The following LRRC4C variants were observed in gnomAD, a reference collection of about 807,000 sequenced individuals.
LRRC4C encodes the protein leucine rich repeat containing 4C, also known as leucine-rich repeat-containing protein 4C.
Under a neutral mutation model 33.6 loss-of-function variants are expected in LRRC4C, and 5 were observed. That is an observed-to-expected ratio of 0.15 (90% CI 0.08 to 0.31). The LOEUF is 0.31. Among genes scored for constraint, LRRC4C ranks in the 10% least tolerant of loss-of-function variants. The pLI is 1.00. For missense variants in LRRC4C, 560 were observed against 796.7 expected (o/e 0.70, Z 3.58); for synonymous variants, 329 against 302.0 (o/e 1.09, Z -0.93).
At chr11:41,158,749 AC>A (rs1271867578) in intron 1 of LRRC4C, among the ~76,000 whole-genome samples, 1 of 152,190 alleles carries the variant, frequency 6.6e-6, no homozygotes, top group Non-Finnish European at 1.5e-5. Flanking sequence ...ACATAAATAG[AC>A]AATCTACAAT....
chr11:40,911,468 G>A (rs566665318), intron 2 of LRRC4C, among the ~76,000 whole-genome samples: 117 of 152,296 alleles, frequency 7.7e-4, no homozygotes, highest in African/African-American at 2.6e-3. Flanking sequence ...AACTCCAACA[G>A]ACCTACAGCT....
At chr11:40,510,834 T>A (rs1447333263) in intron 3 of LRRC4C, among the ~76,000 whole-genome samples, 1 of 151,954 alleles carries the variant, frequency 6.6e-6, no homozygotes, top group Admixed American at 6.6e-5. Context: ...GCCCCTGAAC[T>A]CAAGATGACC....
chr11:40,280,744 G>T (rs529333786), intron 4 of LRRC4C, among the ~76,000 whole-genome samples: 1 of 152,214 alleles, frequency 6.6e-6, no homozygotes, highest in East Asian at 1.9e-4. Flanking sequence ...TGCCTGGAGC[G>T]ATTCAATTAA....
chr11:40,679,019 A>G (rs1944547621), intron 2 of LRRC4C, among the ~76,000 whole-genome samples: 1 of 152,200 alleles, frequency 6.6e-6, no homozygotes, highest in South Asian at 2.1e-4. Context: ...TTTGACAAAA[A>G]TGCTGATAGT....
intron 4 of LRRC4C, among the ~76,000 whole-genome samples, chr11:40,309,036 A>G (rs957087878): frequency 6.6e-6 from 1 of 152,210 alleles, no homozygotes; most frequent in Non-Finnish European, 1.5e-5. Context: ...AGCCCTCACC[A>G]GAGTCACCCT....
intron 2 of LRRC4C, among the ~76,000 whole-genome samples, chr11:40,877,970 T>C (rs1273290694): frequency 6.6e-6 from 1 of 152,206 alleles, no homozygotes; most frequent in Non-Finnish European, 1.5e-5. Flanking sequence ...CTTTGAGATG[T>C]AGCTTTTTGT....
chr11:40,509,733 A>C (rs1955217570), intron 3 of LRRC4C, among the ~76,000 whole-genome samples: 1 of 152,156 alleles, frequency 6.6e-6, no homozygotes, highest in Admixed American at 6.6e-5. Flanking sequence ...TCGTGTTTCA[A>C]ATTATTACAC....
At chr11:40,373,294 A>G (rs1448033335) in intron 3 of LRRC4C, among the ~76,000 whole-genome samples, 1 of 152,184 alleles carries the variant, frequency 6.6e-6, no homozygotes. Context: ...TACAAGAAAC[A>G]TTGACCACAA....
At chr11:40,141,445 A>G (rs763046073) in intron 5 of LRRC4C, among the ~76,000 whole-genome samples, 5 of 152,164 alleles carry the variant, frequency 3.3e-5, no homozygotes, top group African/African-American at 4.8e-5. Context: ...ACAGTACTTA[A>G]AGCAAAGAGA....
chr11:40,953,578 A>G (rs1958815956), intron 1 of LRRC4C, among the ~76,000 whole-genome samples: 1 of 151,868 alleles, frequency 6.6e-6, no homozygotes, highest in Admixed American at 6.6e-5. Context: ...ACTATATTTC[A>G]CAGATCTATC....
At chr11:40,175,778 A>G (rs1044162541) in intron 5 of LRRC4C, among the ~76,000 whole-genome samples, 1 of 152,046 alleles carries the variant, frequency 6.6e-6, no homozygotes, top group African/African-American at 2.4e-5. Flanking sequence ...GCCCTTGATT[A>G]TATACCGTCT....
intron 1 of LRRC4C, among the ~76,000 whole-genome samples, chr11:41,063,915 T>C (rs1937998104): frequency 6.6e-6 from 1 of 152,146 alleles, no homozygotes; most frequent in African/African-American, 2.4e-5. Flanking sequence ...ACAAAGGTCA[T>C]GACTGTGGAG....
chr11:40,483,142 G>A (rs1237052919), intron 3 of LRRC4C, among the ~76,000 whole-genome samples: 25 of 152,112 alleles, frequency 1.6e-4, no homozygotes, highest in Admixed American at 1.6e-3. Context: ...TCAAGGAAGT[G>A]ACGCATCTCT....
At chr11:41,401,887 C>A (rs961572043) in intron 1 of LRRC4C, among the ~76,000 whole-genome samples, 2 of 151,916 alleles carry the variant, frequency 1.3e-5, no homozygotes, top group Non-Finnish European at 2.9e-5. Context: ...TAAAGGAATG[C>A]CATTGCATTC....
At chr11:41,013,928 T>C (rs1026570123) in intron 1 of LRRC4C, among the ~76,000 whole-genome samples, 7 of 152,118 alleles carry the variant, frequency 4.6e-5, no homozygotes, top group Non-Finnish European at 8.8e-5. Context: ...CAACCAGATC[T>C]TGAGAGAACT....
intron 1 of LRRC4C, among the ~76,000 whole-genome samples, chr11:41,187,556 C>T (rs1193182032): frequency 1.3e-5 from 2 of 152,072 alleles, no homozygotes; most frequent in Non-Finnish European, 1.5e-5. Context: ...AGCTACTGCT[C>T]AATAAAAAAG....
intron 3 of LRRC4C, among the ~76,000 whole-genome samples, chr11:40,576,782 G>A (rs1474340237): frequency 6.6e-6 from 1 of 152,088 alleles, no homozygotes; most frequent in Non-Finnish European, 1.5e-5. Flanking sequence ...AATCTCTCTT[G>A]TTTGAAGGAG....
intron 3 of LRRC4C, among the ~76,000 whole-genome samples, chr11:40,557,420 G>A (rs1329276794): frequency 6.6e-6 from 1 of 152,058 alleles, no homozygotes; most frequent in Non-Finnish European, 1.5e-5. Context: ...TATGTATTAA[G>A]CACACCAACA....
intron 2 of LRRC4C, among the ~76,000 whole-genome samples, chr11:40,784,655 T>C (rs902581252): frequency 1.3e-5 from 2 of 152,238 alleles, no homozygotes; most frequent in African/African-American, 4.8e-5. Flanking sequence ...AATATATGTG[T>C]TGATTTTAAA....
Sources: allele counts gnomAD v4.1 joint callset (sites outside exome capture counted in the v4.1 genomes callset), GRCh38; gene constraint gnomAD v4.1.1; transcripts MANE v1.5; gene names NCBI Gene and HGNC (gene_info 2026-07-23, HGNC 2026-07-21).